PSPH: variants seen among roughly 807,000 people sequenced by gnomAD.
The protein encoded by PSPH is L-3-phosphoserine phosphatase.
In PSPH, 16 loss-of-function variants were observed where a neutral mutation model predicts 23.4. The ratio of observed to expected loss-of-function variants is 0.68; its 90% CI spans 0.46 to 1.04. The LOEUF is 1.04. Among genes scored for constraint, PSPH ranks in the 50% least tolerant of loss-of-function variants. PSPH has a pLI of 0.00. For synonymous variants in PSPH, 68 were observed against 99.7 expected, an observed-to-expected ratio of 0.68 and a Z score of 1.89; for missense variants, 223 against 273.7, an observed-to-expected ratio of 0.81 and a Z score of 1.31.
Position 56,049,086 on chromosome 7 carries a change from A to AT in PSPH, c.-292+2051dup, listed in dbSNP as rs912829666. Among the ~76,000 whole-genome samples the AT allele has an allele frequency of 3.0e-4, 44 of 144,476 alleles. No individual in the cohort carries two copies. In the Middle Eastern group the frequency reaches 0.011, roughly 35 times the overall value. 94.8% of individuals were successfully genotyped at this position (144,476 alleles called of 152,430 possible). ...ACGCACCCGCCACCATGCCCAGCTA[A>AT]TTTTTTTTTTTGTATTTTTAGTAGA... On this transcript the variant is annotated intron_variant, in intron 1 of 7. Coordinates refer to ENST00000275605, the MANE Select transcript of PSPH (RefSeq NM_004577.4).
chr7:56,024,909 T>C (rs1029806294), intron 3 of PSPH, among the ~76,000 whole-genome samples: 10 of 149,316 alleles, frequency 6.7e-5, no homozygotes, highest in African/African-American at 2.5e-5. Flanking sequence ...GTTCAAGTGA[T>C]TCTCCTGCCT....
chr7:56,020,930 T>C (rs1409271875), intron 4 of PSPH, 143 bp downstream of exon 4: 1 of 901,990 alleles, frequency 1.1e-6, no homozygotes, highest in South Asian at 1.6e-5. Flanking sequence ...TATAAATGAA[T>C]GAATATGTCA....
chr7:56,016,011 C>T (rs932482553), intron 6 of PSPH, among the ~76,000 whole-genome samples: 1 of 151,966 alleles, frequency 6.6e-6, no homozygotes, highest in Non-Finnish European at 1.5e-5. Flanking sequence ...AGAGGAAATT[C>T]CAGCTTATTT....
chr7:56,041,887 G>A (rs1792581449), intron 1 of PSPH, among the ~76,000 whole-genome samples: 1 of 151,412 alleles, frequency 6.6e-6, no homozygotes, highest in Admixed American at 6.6e-5. Context: ...TGTGCCACTG[G>A]CACTCTAGCC....
chr7:56,044,532 A>C (rs1407786803), intron 1 of PSPH, among the ~76,000 whole-genome samples: 2 of 152,202 alleles, frequency 1.3e-5, no homozygotes, highest in African/African-American at 4.8e-5. Flanking sequence ...CGAGAGTTAA[A>C]AGATTATTTA....
At chr7:56,047,308 G>A (rs1793376596) in intron 1 of PSPH, among the ~76,000 whole-genome samples, 1 of 151,714 alleles carries the variant, frequency 6.6e-6, no homozygotes, top group South Asian at 2.1e-4. Context: ...AGGAAGCTGA[G>A]CCCAGGAGGT....
intron 1 of PSPH, among the ~76,000 whole-genome samples, chr7:56,034,423 A>G (rs1791450335): frequency 6.6e-6 from 1 of 152,204 alleles, no homozygotes; most frequent in African/African-American, 2.4e-5. Context: ...TTTAGCAATT[A>G]GTGAAATCTC....
At chr7:56,021,765 C>T (rs1245828266) in intron 3 of PSPH, among the ~76,000 whole-genome samples, 1 of 150,062 alleles carries the variant, frequency 6.7e-6, no homozygotes, top group African/African-American at 2.5e-5. Context: ...CTGGCTAACA[C>T]AGTGAAACCC....
chr7:56,027,291 G>A (rs1243003116), intron 3 of PSPH, among the ~76,000 whole-genome samples: 1 of 151,968 alleles, frequency 6.6e-6, no homozygotes, highest in Non-Finnish European at 1.5e-5. Flanking sequence ...ATGACTGATG[G>A]ACACCAGAAT....
At chr7:56,025,093 C>T (rs1034611243) in intron 3 of PSPH, among the ~76,000 whole-genome samples, 1 of 151,510 alleles carries the variant, frequency 6.6e-6, no homozygotes, top group Non-Finnish European at 1.5e-5. Context: ...TGTGAGCCAC[C>T]GTGCCCTACC....
intron 7 of PSPH, 143 bp downstream of exon 7, chr7:56,014,880 T>C (rs1788377420): frequency 7.4e-6 from 6 of 814,344 alleles, no homozygotes; most frequent in South Asian, 2.5e-5. Flanking sequence ...GAGGCGGATA[T>C]TGCAGTAAGC....
chr7:56,046,801 A>C (rs925951535), intron 1 of PSPH, among the ~76,000 whole-genome samples: 39 of 150,734 alleles, frequency 2.6e-4, no homozygotes, highest in African/African-American at 8.5e-4. Context: ...TCCACCTCAA[A>C]AAAAAAAAAA....
chr7:56,042,181 T>C (rs1365259180), intron 1 of PSPH, among the ~76,000 whole-genome samples: 1 of 129,324 alleles, frequency 7.7e-6, no homozygotes. Flanking sequence ...CCAAGATCCC[T>C]ACACTCCAGC....
chr7:56,027,612 G>A (rs974798651), intron 3 of PSPH, among the ~76,000 whole-genome samples: 2 of 150,438 alleles, frequency 1.3e-5, no homozygotes, highest in African/African-American at 2.5e-5. Flanking sequence ...GCTTGAACGC[G>A]GGAGGTGGAG....
At chr7:56,047,791 T>C (rs975520039) in intron 1 of PSPH, among the ~76,000 whole-genome samples, 3 of 151,684 alleles carry the variant, frequency 2.0e-5, no homozygotes, top group Non-Finnish European at 4.4e-5. Flanking sequence ...CTCAGCCTAC[T>C]GAGTAACTGG....
rs990859163 is a variant in PSPH at position 56,013,128 on chromosome 7, CATAT to C, written c.571-1263_571-1260del. On this transcript the variant is annotated intron_variant, in intron 7 of 7. Coordinates refer to ENST00000275605, the MANE Select transcript of PSPH (RefSeq NM_004577.4). ...GTGTGTATATATTTATATACACACACATATATATACGTATATGTGTATGTGTATA... is the reference window on the plus strand; with the variant it reads ...GTGTGTATATATTTATATACACACACATATACGTATATGTGTATGTGTATA... 5.9e-5 allele frequency among the ~76,000 whole-genome samples: 8 copies of C among 134,544 alleles called. No individual in the cohort carries two copies. The South Asian group carries it at 1.9e-3, about 31-fold the overall frequency. The allele number at this position is 134,544 out of a possible 152,430, so 88.3% of individuals were successfully genotyped here. A position where few individuals can be genotyped will look rare whatever the true frequency, so the allele number is the denominator to read the frequency against.
chr7:56,026,978 GGT>G (rs1489587229), intron 3 of PSPH, among the ~76,000 whole-genome samples: 3 of 151,572 alleles, frequency 2.0e-5, no homozygotes, highest in African/African-American at 7.3e-5. Context: ...GGCTGAAGCG[GGT>G]GGATCACCTG....
At chr7:56,030,051 C>G (rs1020899773) in intron 3 of PSPH, among the ~76,000 whole-genome samples, 2 of 150,754 alleles carry the variant, frequency 1.3e-5, no homozygotes, top group Non-Finnish European at 3.0e-5. Context: ...AGAGGAGAGT[C>G]AAAGAGGTTC....
At chr7:56,025,229 TTTACACACACACATTA>T (rs1417518432) in intron 3 of PSPH, among the ~76,000 whole-genome samples, 2 of 151,976 alleles carry the variant, frequency 1.3e-5, no homozygotes, top group African/African-American at 4.8e-5. Context: ...CACACACATT[TTTACACACACACATTA>T]TTCACATGCA....
Sources: gnomAD v4.1 joint callset for allele counts (sites outside exome capture counted in the v4.1 genomes callset) on GRCh38, gnomAD v4.1.1 for gene constraint, MANE v1.5 for transcripts, NCBI Gene and HGNC (gene_info 2026-07-23, HGNC 2026-07-21) for gene names.